SERPINB10: variants seen among roughly 807,000 people sequenced by gnomAD.
SERPINB10 encodes serpin B10.
In SERPINB10, 35 loss-of-function variants were observed where a neutral mutation model predicts 39.1. The ratio of observed to expected loss-of-function variants is 0.90; its 90% CI spans 0.68 to 1.19. The LOEUF (loss-of-function observed/expected upper bound fraction) is 1.19, where lower values mean the gene tolerates loss of function less well. SERPINB10 is among the 50% of genes most tolerant of loss of function. SERPINB10 has a pLI of 0.00. For synonymous variants in SERPINB10, 190 were observed against 158.1 expected, an observed-to-expected ratio of 1.20 and a Z score of -1.52; for missense variants, 546 against 460.5, an observed-to-expected ratio of 1.19 and a Z score of -1.70.
chr18:63,932,955 C>T, intron 6 of SERPINB10, 93 bp from the exon 7 acceptor site: 2 of 1,204,158 alleles, frequency 1.7e-6, no homozygotes, highest in Non-Finnish European at 2.3e-6. Flanking sequence ...GTTTCACCAA[C>T]TGAGAGCCAA....
chr18:63,920,056 T>C (rs113476223), intron 5 of SERPINB10, 151 bp downstream of exon 5: 1 of 447,710 alleles, frequency 2.2e-6, no homozygotes, highest in Non-Finnish European at 3.9e-6. Flanking sequence ...TTCATGTACG[T>C]AATTTTTAGA....
chr18:63,935,495 C>CTATG lies in SERPINB10; in HGVS notation c.*254_*257dup, dbSNP rs1444425686. 12 of 392,078 alleles carry CTATG rather than the reference C, an allele frequency of 3.1e-5. No homozygotes were observed. Among genetic ancestry groups the CTATG allele is most frequent in the Non-Finnish European group, 2.3e-5 (5 of 220,556 alleles). The allele number at this position is 392,078 out of a possible 1,614,324, so 24.3% of individuals were successfully genotyped here. On this transcript the variant is annotated 3_prime_UTR_variant, in exon 8 of 8. Transcript: ENST00000238508. ...GACTTTCATTTACATTTCAGAAGTA[C>CTATG]TATGCTATTCAACTGAATGCCTTAC...
chr18:63,916,071 A>G (rs2050100121), intron 2 of SERPINB10, among the ~76,000 whole-genome samples: 1 of 152,026 alleles, frequency 6.6e-6, no homozygotes, highest in Non-Finnish European at 1.5e-5. Context: ...AAAAAAGAAA[A>G]ATAAAAGAAT....
rs201708825 is a variant in SERPINB10 at position 63,917,984 on chromosome 18, C to T, written c.254C>T (p.Ser85Leu). ...KRKMEFNLSN[S>L]EEIHSDFQTL... ...TTAAAGGAATTCAACTTGAGCAACT[C>T]GGAAGAAATACACTCTGATTTCCAA... The change falls in exon 4 of 8, where the codon TCG becomes TTG. Residue 85 changes from serine to leucine, a missense_variant. Physicochemically the swap from Ser to Leu is moderately radical, Grantham distance 145. Transcript: ENST00000238508. 55 of 1,611,788 alleles carry T rather than the reference C, an allele frequency of 3.4e-5. 1 individual carries two copies. The East Asian group carries it at 4.7e-4, about 14-fold the overall frequency.
At chr18:63,913,308 T>C (rs12327173) in intron 1 of SERPINB10, among the ~76,000 whole-genome samples, 1 of 151,808 alleles carries the variant, frequency 6.6e-6, no homozygotes, top group Non-Finnish European at 1.5e-5. Flanking sequence ...TGTTTTTTTC[T>C]TTTGGAAGTT....
chr18:63,930,104 G>A lies in SERPINB10; in HGVS notation c.550G>A (p.Val184Met). The change falls in exon 6 of 8, where the codon GTG becomes ATG. Residue 184 changes from valine to methionine, a missense_variant. Physicochemically the swap from Val to Met is conservative, Grantham distance 21 (BLOSUM62 1). Transcript: ENST00000238508. ...SVDSTTRMILVNALYFKGIWE... is the reference protein window; with the variant it reads ...SVDSTTRMILMNALYFKGIWE... ...GGATTCCACAACCAGGATGATTCTG[G>A]TGAACGCCCTATACTTTAAAGGAAT... 6.2e-7 allele frequency: 1 copy of A among 1,613,582 alleles called. No homozygotes were observed. The highest frequency in any genetic ancestry group is 8.5e-7 in the Non-Finnish European group (1 of 1,179,692).
At position 63,917,453 on chromosome 18, in the gene SERPINB10, C is replaced by G. The variant is rs769079166; in HGVS notation, c.169-3C>G. ...TTCATTTGTATTTTTATTGAAATTA[C>G]AGGTGCTTCAATTTAACAGAGACCA... is the stretch of plus-strand genomic sequence containing the variant. On this transcript the variant is annotated splice_polypyrimidine_tract_variant and splice_region_variant and intron_variant, in intron 2 of 7. Coordinates refer to ENST00000238508, the MANE Select transcript of SERPINB10 (RefSeq NM_005024.3). 1.9e-6 allele frequency: 3 copies of G among 1,551,116 alleles called. No homozygotes were observed. The highest frequency in any genetic ancestry group is 8.7e-7 in the Non-Finnish European group (1 of 1,145,042).
At position 63,935,265 on chromosome 18, in the gene SERPINB10, C is replaced by A; in HGVS notation, c.*23C>A. On this transcript the variant is annotated 3_prime_UTR_variant, in exon 8 of 8. Transcript: ENST00000238508. The stretch of plus-strand genomic sequence containing the variant: ...TAAATCCTGCATATCTCTCAACAAA[C>A]AAGACCATCTTACAGTGTGAAAAAT... The A allele has an allele frequency of 6.5e-7, 1 of 1,532,992 alleles. No individual in the cohort carries two copies. The highest frequency in any genetic ancestry group is 8.7e-7 in the Non-Finnish European group (1 of 1,146,320). 95.0% of individuals were successfully genotyped at this position (1,532,992 alleles called of 1,614,324 possible). A position where few individuals can be genotyped will look rare whatever the true frequency, so the allele number is the denominator to read the frequency against.
At chr18:63,930,320 TAA>T in intron 6 of SERPINB10, 133 bp downstream of exon 6, 1 of 965,270 alleles carries the variant, frequency 1.0e-6, no homozygotes, top group South Asian at 1.7e-5. Flanking sequence ...ATGGCTGGGC[TAA>T]AAGCCTTCAG....
At chr18:63,930,232 T>G in intron 6 of SERPINB10, 45 bp downstream of exon 6, 1 of 1,579,984 alleles carries the variant, frequency 6.3e-7, no homozygotes, top group Non-Finnish European at 8.7e-7. Flanking sequence ...CATGGCATTG[T>G]ACAAGTGATT....
At chr18:63,912,748 T>C (rs184558254) in intron 1 of SERPINB10, among the ~76,000 whole-genome samples, 3 of 152,130 alleles carry the variant, frequency 2.0e-5, no homozygotes, top group Admixed American at 1.3e-4. Flanking sequence ...TCTTCTTCTA[T>C]TGTGTTTTTT....
chr18:63,924,976 G>GA (rs1216429216), intron 5 of SERPINB10, among the ~76,000 whole-genome samples: 1 of 151,844 alleles, frequency 6.6e-6, no homozygotes, highest in South Asian at 2.1e-4. Flanking sequence ...TTTTAAGGCT[G>GA]AAAAAAAGTA....
intron 5 of SERPINB10, among the ~76,000 whole-genome samples, chr18:63,926,355 C>A (rs944007779): frequency 6.6e-6 from 1 of 151,978 alleles, no homozygotes; most frequent in Non-Finnish European, 1.5e-5. Context: ...CCCCTCCTTA[C>A]AGAGAGACTA....
chr18:63,918,330 G>A (rs912857033), intron 4 of SERPINB10, among the ~76,000 whole-genome samples: 5 of 152,100 alleles, frequency 3.3e-5, no homozygotes, highest in Admixed American at 3.3e-4. Context: ...GAATAAAGAG[G>A]TAGCCCCTGA....
chr18:63,924,962 T>C (rs971243977), intron 5 of SERPINB10, among the ~76,000 whole-genome samples: 1 of 152,006 alleles, frequency 6.6e-6, no homozygotes, highest in Non-Finnish European at 1.5e-5. Context: ...ACTTCGACTA[T>C]ATATTTTAAG....
chr18:63,909,738 T>A (rs372648702), intron 1 of SERPINB10, among the ~76,000 whole-genome samples: 1 of 152,026 alleles, frequency 6.6e-6, no homozygotes, highest in Non-Finnish European at 1.5e-5. Context: ...TCCGTGTAAA[T>A]TTAATTCATG....
In SERPINB10 at chr18:63,922,471, G is replaced by A. The variant is rs115548703; in HGVS notation, c.490+2566G>A. ...TAGGAGTAAGAATGGTGCTGGAGTT[G>A]GGCAAAATGTTATGTTTTAGATTCC... is the stretch of plus-strand genomic sequence containing the variant. On this transcript the variant is annotated intron_variant, in intron 5 of 7. Transcript: ENST00000238508. Among the ~76,000 whole-genome samples the A allele has an allele frequency of 1.8e-3, 270 of 152,004 alleles. 1 individual carries two copies. The highest frequency in any genetic ancestry group is 6.1e-3 in the African/African-American group (253 of 41,502).
chr18:63,913,118 G>A (rs1020104195), intron 1 of SERPINB10, among the ~76,000 whole-genome samples: 1 of 151,824 alleles, frequency 6.6e-6, no homozygotes, highest in African/African-American at 2.4e-5. Flanking sequence ...AGGATCAGTT[G>A]TAATGTCACT....
intron 1 of SERPINB10, among the ~76,000 whole-genome samples, chr18:63,915,173 T>C (rs528992444): frequency 6.6e-6 from 1 of 152,196 alleles, no homozygotes; most frequent in Non-Finnish European, 1.5e-5. Context: ...AAAAACTAGA[T>C]ACAAACACAT....
Sources: allele counts gnomAD v4.1 joint callset (sites outside exome capture counted in the v4.1 genomes callset), GRCh38; gene constraint gnomAD v4.1.1; transcripts MANE v1.5; gene names NCBI Gene and HGNC (gene_info 2026-07-23, HGNC 2026-07-21).